The following PSMD5 variants were observed in gnomAD, a reference collection of about 807,000 sequenced individuals.
PSMD5 encodes the protein 26S proteasome non-ATPase regulatory subunit 5.
A neutral mutation model predicts 52.1 loss-of-function variants in PSMD5; 40 were observed. The ratio of observed to expected loss-of-function variants is 0.77; its 90% CI spans 0.60 to 1.00. The LOEUF (loss-of-function observed/expected upper bound fraction) is 1.00, where lower values mean the gene tolerates loss of function less well. PSMD5 is among the 50% of genes least tolerant of loss of function. The pLI is 0.00. For missense variants in PSMD5, 575 were observed against 605.2 expected (o/e 0.95, Z 0.52); for synonymous variants, 211 against 226.6 (o/e 0.93, Z 0.62).
In PSMD5 at chr9:120,827,891, G is replaced by A. The variant is rs113740126; in HGVS notation, c.672-984C>T. On this transcript the variant is annotated intron_variant, in intron 5 of 9. Coordinates refer to ENST00000210313, the MANE Select transcript of PSMD5 (RefSeq NM_005047.4). ...AAGAACATTTGGCAGATATTAAAGG[G>A]GATTTAGGGAATAGCGGGTGGAAGA... Among the ~76,000 whole-genome samples the A allele has an allele frequency of 8.5e-3, 1,294 of 152,334 alleles. 27 individuals are homozygous for A. Among genetic ancestry groups the A allele is most frequent in the African/African-American group, 0.029 (1,222 of 41,572 alleles).
intron 2 of PSMD5, 26 bp downstream of exon 2, chr9:120,833,286 T>C (rs201887100): frequency 7.1e-5 from 114 of 1,610,594 alleles, no homozygotes; most frequent in Non-Finnish European, 8.9e-5. Flanking sequence ...AGGTGGTCAA[T>C]GTCGGTTCCT....
intron 8 of PSMD5, 128 bp downstream of exon 8, chr9:120,821,227 A>T: frequency 1.3e-6 from 1 of 748,204 alleles, no homozygotes; most frequent in Non-Finnish European, 2.1e-6. Context: ...TTAAATTAAA[A>T]ATGTCACTAG....
chr9:120,842,425 A>C (rs2045246461), intron 1 of PSMD5: 1 of 422,812 alleles, frequency 2.4e-6, no homozygotes, highest in African/African-American at 2.1e-5. Context: ...GTACAAAGAG[A>C]TGTGGAATGC....
At position 120,840,577 on chromosome 9, in the gene PSMD5, C is replaced by T. The variant is rs1004937813; in HGVS notation, c.173+2160G>A. On this transcript the variant is annotated intron_variant, in intron 1 of 9. Coordinates refer to ENST00000210313, the MANE Select transcript of PSMD5 (RefSeq NM_005047.4). Reference sequence around the variant, plus strand: ...TGTCCTGCCTCAGCCTCCCAACTAGCTGGGACTACAGGTGTGCGCTACCAA... The same window carrying T: ...TGTCCTGCCTCAGCCTCCCAACTAGTTGGGACTACAGGTGTGCGCTACCAA... Among the ~76,000 whole-genome samples the T allele has an allele frequency of 1.2e-4, 18 of 150,434 alleles. 1 individual carries two copies. Among genetic ancestry groups the T allele is most frequent in the Admixed American group, 3.3e-4 (5 of 15,082 alleles).
chr9:120,839,884 G>C (rs2045222338), intron 1 of PSMD5, among the ~76,000 whole-genome samples: 1 of 148,924 alleles, frequency 6.7e-6, no homozygotes, highest in Non-Finnish European at 1.5e-5. Flanking sequence ...GGGAGGCCGA[G>C]GCAGGCAAGG....
intron 8 of PSMD5, 115 bp downstream of exon 8, chr9:120,821,240 A>G: frequency 1.3e-6 from 1 of 794,432 alleles, no homozygotes; most frequent in Non-Finnish European, 2.0e-6. Context: ...GTCACTAGTC[A>G]TATAATGAGG....
intron 6 of PSMD5, 134 bp downstream of exon 6, chr9:120,826,631 A>C (rs1204737919): frequency 2.6e-6 from 3 of 1,135,198 alleles, no homozygotes; most frequent in Non-Finnish European, 3.6e-6. Flanking sequence ...CTTCTAAACG[A>C]AATCAGCTCA....
chr9:120,821,692 A>G (rs2045086017), intron 7 of PSMD5, among the ~76,000 whole-genome samples: 1 of 152,124 alleles, frequency 6.6e-6, no homozygotes, highest in South Asian at 2.1e-4. Flanking sequence ...TCCCCTGCCA[A>G]CCACTATTCT....
chr9:120,830,745 T>G (rs2045153890), intron 4 of PSMD5, among the ~76,000 whole-genome samples: 1 of 152,102 alleles, frequency 6.6e-6, no homozygotes. Context: ...CTGTAAGAAT[T>G]AAAGATAATA....
chr9:120,817,717 A>G lies in PSMD5; in HGVS notation c.*189T>C, dbSNP rs1047891708. 3.0e-6 allele frequency: 2 copies of G among 658,916 alleles called. No individual in the cohort carries two copies. The highest frequency in any genetic ancestry group is 2.7e-5 in the East Asian group (1 of 36,498). 40.8% of individuals were successfully genotyped at this position (658,916 alleles called of 1,614,324 possible). On this transcript the variant is annotated 3_prime_UTR_variant, in exon 10 of 10. Transcript: ENST00000210313. ...GACCAAGCTTGTCTGCTCTTAATGCATTCCAAACTCCTAGTTCCACTTTGC... is the reference window on the plus strand; with the variant it reads ...GACCAAGCTTGTCTGCTCTTAATGCGTTCCAAACTCCTAGTTCCACTTTGC...
intron 1 of PSMD5, among the ~76,000 whole-genome samples, chr9:120,839,574 G>A (rs1041078471): frequency 6.6e-6 from 1 of 152,152 alleles, no homozygotes; most frequent in African/African-American, 2.4e-5. Flanking sequence ...AACACTTACA[G>A]AAAAGGAAGG....
chr9:120,825,993 CTTTTT>C (rs1194375987), intron 6 of PSMD5, among the ~76,000 whole-genome samples: 139 of 131,256 alleles, frequency 1.1e-3, no homozygotes, highest in Admixed American at 2.3e-3. Context: ...TTGTCCTGAT[CTTTTT>C]TTTTTTTTTT....
intron 1 of PSMD5, 148 bp downstream of exon 1, chr9:120,842,589 G>T: frequency 1.0e-6 from 1 of 994,720 alleles, no homozygotes; most frequent in Non-Finnish European, 1.5e-6. Context: ...TCCTGCCTCT[G>T]AACCCAGGAT....
rs1346001951 is a variant in PSMD5 at position 120,818,102 on chromosome 9, T to C, written c.1319A>G (p.Tyr440Cys). 6 of 1,614,106 alleles carry C rather than the reference T, an allele frequency of 3.7e-6. No individual in the cohort carries two copies. The African/African-American group carries it at 6.7e-5, about 18-fold the overall frequency. ...ATGCTCCACAGACCGGTCCACCACATATTCTACAAAACCTGGACTGTTAAA... is the reference window on the plus strand; with the variant it reads ...ATGCTCCACAGACCGGTCCACCACACATTCTACAAAACCTGGACTGTTAAA... ...LMFNSPGFVE[Y>C]VVDRSVEHDK... Residue 440 changes from tyrosine (Y) to cysteine (C), a missense_variant, in exon 10 of 10, where the codon TAT (tyrosine) becomes TGT (cysteine). By Grantham distance (194) the Tyr-to-Cys change is radical. Transcript: ENST00000210313.
intron 4 of PSMD5, among the ~76,000 whole-genome samples, chr9:120,831,060 T>C (rs1216404653): frequency 6.6e-6 from 1 of 152,080 alleles, no homozygotes; most frequent in Non-Finnish European, 1.5e-5. Flanking sequence ...ATTTTTAAAA[T>C]CGTTGTAGAG....
At chr9:120,825,901 C>G (rs747000013) in intron 6 of PSMD5, among the ~76,000 whole-genome samples, 1 of 151,522 alleles carries the variant, frequency 6.6e-6, no homozygotes, top group Non-Finnish European at 1.5e-5. Flanking sequence ...ATTTGGATGC[C>G]TTTTATTTAT....
intron 6 of PSMD5, among the ~76,000 whole-genome samples, chr9:120,825,327 A>G (rs2131424291): frequency 6.6e-6 from 1 of 152,334 alleles, no homozygotes; most frequent in African/African-American, 2.4e-5. Context: ...CCACCTCAAT[A>G]AGAGGCTATA....
At chr9:120,836,302 A>G (rs1051696969) in intron 1 of PSMD5, among the ~76,000 whole-genome samples, 26 of 151,858 alleles carry the variant, frequency 1.7e-4, no homozygotes, top group Non-Finnish European at 8.8e-5. Context: ...ATTTTAGCCA[A>G]TCTAATAGTG....
At chr9:120,828,443 CTTTTT>C (rs34354549) in intron 5 of PSMD5, among the ~76,000 whole-genome samples, 6 of 132,582 alleles carry the variant, frequency 4.5e-5, no homozygotes, top group African/African-American at 1.7e-4. Flanking sequence ...AGCTCATATT[CTTTTT>C]TTTTTTTTTT....
Sources: gnomAD v4.1 joint callset for allele counts (sites outside exome capture counted in the v4.1 genomes callset) on GRCh38, gnomAD v4.1.1 for gene constraint, MANE v1.5 for transcripts, NCBI Gene and HGNC (gene_info 2026-07-23, HGNC 2026-07-21) for gene names.